DNAAF10: variants seen among roughly 807,000 people sequenced by gnomAD.
DNAAF10 encodes the protein dynein axonemal assembly factor 10.
In DNAAF10, 28 loss-of-function variants were observed where a neutral mutation model predicts 43.7. That is an observed-to-expected ratio of 0.64 (90% CI 0.48 to 0.88). The LOEUF is 0.88. Ranked by LOEUF, DNAAF10 falls within the 40% of genes least tolerant of loss-of-function variation. The pLI, the probability that DNAAF10 is intolerant of heterozygous loss-of-function variation, is 0.00. For synonymous variants in DNAAF10, 156 were observed against 157.3 expected (o/e 0.99, Z 0.06); for missense variants, 403 against 439.1 (o/e 0.92, Z 0.73).
chr2:68,141,878 T>C (rs1673189579), intron 3 of DNAAF10, 83 bp from the exon 4 acceptor site: 2 of 1,124,560 alleles, frequency 1.8e-6, no homozygotes, highest in African/African-American at 3.1e-5. Context: ...TATGGCTTCC[T>C]GTGTACATGG....
intron 1 of DNAAF10, among the ~76,000 whole-genome samples, chr2:68,155,500 A>G (rs1316657740): frequency 1.3e-5 from 2 of 152,054 alleles, no homozygotes; most frequent in Non-Finnish European, 2.9e-5. Flanking sequence ...TCTCAAAAAA[A>G]AAAAAGAAAG....
At chr2:68,154,544 C>T (rs187346960) in intron 1 of DNAAF10, among the ~76,000 whole-genome samples, 6 of 152,294 alleles carry the variant, frequency 3.9e-5, no homozygotes, top group Admixed American at 1.3e-4. Context: ...CCACACCCGG[C>T]GTGAAAATAC....
chr2:68,139,357 G>A lies in DNAAF10; in HGVS notation c.518-500C>T, dbSNP rs550692569. Among the ~76,000 whole-genome samples the A allele has an allele frequency of 3.9e-5, 6 of 152,264 alleles. No individual in the cohort carries two copies. The South Asian group carries it at 8.3e-4, about 21-fold the overall frequency. On this transcript the variant is annotated intron_variant, in intron 4 of 7. Transcript: ENST00000295121. ...GACAATTCCTGAGGTCTCACCAGGA[G>A]CAGATACTGGCACCATGCTTCTTGG...
At chr2:68,155,493 C>CA (rs201840238) in intron 1 of DNAAF10, among the ~76,000 whole-genome samples, 412 of 123,778 alleles carry the variant, frequency 3.3e-3, no homozygotes, top group African/African-American at 7.1e-3. Flanking sequence ...GACTCCGTCT[C>CA]AAAAAAAAAA....
intron 1 of DNAAF10, among the ~76,000 whole-genome samples, chr2:68,153,346 A>T (rs1035959603): frequency 7.5e-5 from 9 of 120,254 alleles, no homozygotes; most frequent in African/African-American, 3.7e-4. Context: ...GTGATAAATT[A>T]AAAAAAAAAA....
At chr2:68,135,227 T>C (rs1673012177) in intron 6 of DNAAF10, among the ~76,000 whole-genome samples, 1 of 152,194 alleles carries the variant, frequency 6.6e-6, no homozygotes, top group Non-Finnish European at 1.5e-5. Context: ...GAGAGCAGTT[T>C]GAGGTTCACA....
intron 2 of DNAAF10, among the ~76,000 whole-genome samples, chr2:68,146,209 C>T (rs1268113033): frequency 1.3e-5 from 2 of 152,094 alleles, no homozygotes; most frequent in African/African-American, 2.4e-5. Flanking sequence ...TTGCAGTGAG[C>T]CGAGATCGCA....
intron 7 of DNAAF10, chr2:68,134,080 T>TAACTCAC: frequency 2.1e-6 from 2 of 956,556 alleles, no homozygotes; most frequent in Non-Finnish European, 2.5e-6. Flanking sequence ...GAAATACCAT[T>TAACTCAC]AACTCACAAT....
intron 1 of DNAAF10, among the ~76,000 whole-genome samples, chr2:68,150,852 A>G (rs1673440557): frequency 6.6e-6 from 1 of 152,238 alleles, no homozygotes; most frequent in African/African-American, 2.4e-5. Flanking sequence ...ATCTATCTCT[A>G]TATATAGTCA....
intron 1 of DNAAF10, among the ~76,000 whole-genome samples, chr2:68,148,327 A>G (rs913825123): frequency 6.6e-6 from 1 of 152,174 alleles, no homozygotes; most frequent in South Asian, 2.1e-4. Flanking sequence ...TCAACATTTA[A>G]TGGTTTCTAC....
At chr2:68,144,794 T>C (rs568076035) in intron 2 of DNAAF10, 79 bp from the exon 3 acceptor site, 4 of 1,485,704 alleles carry the variant, frequency 2.7e-6, no homozygotes, top group African/African-American at 2.9e-5. Flanking sequence ...AGATATATTA[T>C]AGTTAGATTT....
chr2:68,134,430 TA>T, intron 7 of DNAAF10: 1 of 1,222,004 alleles, frequency 8.2e-7, no homozygotes. Context: ...TAGTATCTGA[TA>T]AAAGTCTTGG....
At chr2:68,132,989 G>A (rs1311386798) in intron 7 of DNAAF10, among the ~76,000 whole-genome samples, 2 of 152,180 alleles carry the variant, frequency 1.3e-5, no homozygotes, top group Non-Finnish European at 2.9e-5. Context: ...CTTCAAGCGA[G>A]CAGCCTAAAG....
chr2:68,140,423 C>T (rs1277174867), intron 4 of DNAAF10, among the ~76,000 whole-genome samples: 1 of 152,194 alleles, frequency 6.6e-6, no homozygotes, highest in East Asian at 1.9e-4. Flanking sequence ...CCTGAAAACT[C>T]AGTCATCTTG....
At chr2:68,148,561 C>A (rs761589171) in intron 1 of DNAAF10, among the ~76,000 whole-genome samples, 1 of 152,142 alleles carries the variant, frequency 6.6e-6, no homozygotes, top group Non-Finnish European at 1.5e-5. Context: ...ACTCTACCTG[C>A]CCAGGTCACT....
chr2:68,153,982 T>C (rs764394047), intron 1 of DNAAF10, among the ~76,000 whole-genome samples: 1 of 152,050 alleles, frequency 6.6e-6, no homozygotes. Context: ...CTTGCTCTCC[T>C]GACCTTGTGA....
In DNAAF10 at chr2:68,129,939, A is replaced by G. The variant is rs1672891418; in HGVS notation, c.*1299T>C. The G allele has an allele frequency of 6.6e-6, 1 of 151,950 alleles. No individual in the cohort carries two copies. The highest frequency in any genetic ancestry group is 1.5e-5 in the Non-Finnish European group (1 of 67,978). 9.4% of individuals were successfully genotyped at this position (151,950 alleles called of 1,614,324 possible). A position where few individuals can be genotyped will look rare whatever the true frequency, so the allele number is the denominator to read the frequency against. On this transcript the variant is annotated 3_prime_UTR_variant, in exon 8 of 8. Coordinates refer to ENST00000295121, the MANE Select transcript of DNAAF10 (RefSeq NM_138458.4). The stretch of plus-strand genomic sequence containing the variant: ...AAAAATAAGACTACAAAACCCCTAC[A>G]ATCTTGTACATTTCACCATCACTTA...
Position 68,138,871 on chromosome 2 carries a change from T to G in DNAAF10, c.518-14A>C. ...TATAAGCATTGCCTGGAAATCAAGA[T>G]ACAACATTTCACATCCTTATAAATG... On this transcript the variant is annotated splice_polypyrimidine_tract_variant and intron_variant, in intron 4 of 7. Transcript: ENST00000295121. 6.3e-7 allele frequency: 1 copy of G among 1,583,580 alleles called. No individual in the cohort carries two copies. The highest frequency in any genetic ancestry group is 2.2e-5 in the East Asian group (1 of 44,730).
rs138784630 is a variant in DNAAF10, at chr2:68,134,727, C to T, written c.841G>A (p.Ala281Thr). The change falls in exon 7 of 8, where the codon GCC (alanine) becomes ACC (threonine). Residue 281 changes from alanine (A) to threonine (T), a missense_variant. Transcript: ENST00000295121. Reference protein sequence around the residue: ...NRELFLTAGGAGGLHLWKYEY... With the variant: ...NRELFLTAGGTGGLHLWKYEY... ...TACTTCCAGAGGTGAAGGCCGCCGG[C>T]GCCTCCAGCTGTCAGAAAGAGCTCC... 0.014 allele frequency: 22,372 copies of T among 1,608,276 alleles called. 184 individuals carry two copies. The highest frequency in any genetic ancestry group is 0.018 in the Middle Eastern group (110 of 6,034).
Sources: gnomAD v4.1 joint callset for allele counts (sites outside exome capture counted in the v4.1 genomes callset) on GRCh38, gnomAD v4.1.1 for gene constraint, MANE v1.5 for transcripts, NCBI Gene and HGNC (gene_info 2026-07-23, HGNC 2026-07-21) for gene names.